Variants in NFASC observed in about 807,000 individuals in gnomAD.
NFASC encodes neurofascin.
Under a neutral mutation model 147.5 loss-of-function variants are expected in NFASC, and 43 were observed. The ratio of observed to expected loss-of-function variants is 0.29; its 90% CI spans 0.23 to 0.38. NFASC has a LOEUF of 0.38. Among genes scored for constraint, NFASC ranks in the 10% least tolerant of loss-of-function variants. The pLI is 1.00. For synonymous variants in NFASC, 622 were observed against 665.5 expected (o/e 0.93, Z 1.01); for missense variants, 1,320 against 1,689.0 (o/e 0.78, Z 3.83).
intron 1 of NFASC, among the ~76,000 whole-genome samples, chr1:204,898,956 G>A (rs1262630657): frequency 6.6e-6 from 1 of 152,116 alleles, no homozygotes; most frequent in Non-Finnish European, 1.5e-5. Flanking sequence ...CTTTAACCTT[G>A]GGGAGCTTCC....
intron 1 of NFASC, among the ~76,000 whole-genome samples, chr1:204,845,756 C>T (rs892110978): frequency 6.6e-6 from 1 of 151,616 alleles, no homozygotes; most frequent in African/African-American, 2.4e-5. Flanking sequence ...TTTTAAAAAT[C>T]AGCTAGGCAT....
Position 205,000,978 on chromosome 1 carries a change from C to G in NFASC, c.3020-192C>G, listed in dbSNP as rs1459575430. On this transcript the variant is annotated intron_variant, in intron 25 of 29. Transcript: ENST00000339876. ...TCTGGCCTGGCCACCAAGGCTGCAG[C>G]TTGGAGCTCTGTCAGGCCCTGTGCA... 6.5e-6 allele frequency: 4 copies of G among 615,528 alleles called. 1 individual carries two copies. The highest frequency in any genetic ancestry group is 1.2e-5 in the Non-Finnish European group (4 of 334,154). The allele number at this position is 615,528 out of a possible 1,614,324, so 38.1% of individuals were successfully genotyped here.
intron 25 of NFASC, chr1:204,997,718 A>C (rs2095877395): frequency 2.1e-6 from 1 of 482,410 alleles, no homozygotes; most frequent in African/African-American, 1.9e-5. Flanking sequence ...CAGGGCCCCC[A>C]GGTTCCAGAT....
chr1:204,859,942 A>G (rs1558509427), intron 1 of NFASC, among the ~76,000 whole-genome samples: 1 of 152,202 alleles, frequency 6.6e-6, no homozygotes, highest in Non-Finnish European at 1.5e-5. Flanking sequence ...TGGTTTCCTA[A>G]TAAAGCCTTG....
chr1:204,922,737 T>C (rs377694483), intron 2 of NFASC, among the ~76,000 whole-genome samples: 1 of 152,050 alleles, frequency 6.6e-6, no homozygotes, highest in Non-Finnish European at 1.5e-5. Flanking sequence ...GGAGTACCTA[T>C]CAAAGGACTT....
At chr1:204,997,099 G>T (rs535754803) in intron 24 of NFASC, 71 bp from the exon 25 acceptor site, 4 of 1,555,902 alleles carry the variant, frequency 2.6e-6, no homozygotes, top group African/African-American at 2.7e-5. Flanking sequence ...TGCCTTGCAC[G>T]CGGGGGCCGT....
chr1:204,831,763 T>C (rs1672285913), intron 1 of NFASC, among the ~76,000 whole-genome samples: 1 of 152,106 alleles, frequency 6.6e-6, no homozygotes, highest in African/African-American at 2.4e-5. Flanking sequence ...GTTTCATACT[T>C]ACTCATTTAA....
intron 1 of NFASC, among the ~76,000 whole-genome samples, chr1:204,912,298 G>C (rs1331722945): frequency 6.6e-6 from 1 of 151,888 alleles, no homozygotes; most frequent in Non-Finnish European, 1.5e-5. Context: ...CAGTGCTTTA[G>C]CTGTGTCCCT....
intron 1 of NFASC, among the ~76,000 whole-genome samples, chr1:204,853,256 G>T (rs1558500340): frequency 6.6e-6 from 1 of 152,240 alleles, no homozygotes; most frequent in African/African-American, 2.4e-5. Context: ...CCTAGAATGT[G>T]TTCAGGCTCA....
chr1:204,862,284 C>T (rs1302406727), intron 1 of NFASC, among the ~76,000 whole-genome samples: 1 of 152,204 alleles, frequency 6.6e-6, no homozygotes, highest in Non-Finnish European at 1.5e-5. Flanking sequence ...CATGGGGTCC[C>T]ATCAAAAGAA....
At chr1:204,912,271 T>A (rs905328452) in intron 1 of NFASC, among the ~76,000 whole-genome samples, 1 of 152,072 alleles carries the variant, frequency 6.6e-6, no homozygotes, top group African/African-American at 2.4e-5. Context: ...TGTGTGGATT[T>A]ATAAACTTCC....
At position 204,974,155 on chromosome 1, in the gene NFASC, A is replaced by C. The variant is rs529223244; in HGVS notation, c.1280-24A>C. ...TGGAAGAGTTTAGACTTGGCACTCG[A>C]GATTGCTTCTCTGGGAATTTCAGAT... is the stretch of plus-strand genomic sequence containing the variant. On this transcript the variant is annotated intron_variant, in intron 12 of 29. Coordinates refer to ENST00000339876, the MANE Select transcript of NFASC (RefSeq NM_001005388.3). 84 of 1,592,856 alleles carry C rather than the reference A, an allele frequency of 5.3e-5. 1 individual carries two copies. In the South Asian group the frequency reaches 6.9e-4, roughly 13 times the overall value.
At chr1:204,910,138 A>G (rs749201649) in intron 1 of NFASC, among the ~76,000 whole-genome samples, 1 of 150,570 alleles carries the variant, frequency 6.6e-6, no homozygotes, top group Non-Finnish European at 1.5e-5. Flanking sequence ...GATTTTAATA[A>G]GGATTGCATT....
rs370580357 is a variant in NFASC at position 204,844,550 on chromosome 1, C to T, written c.-200+15768C>T. ...ATTCCAGTAGAGAAAGTATGCCAGG[C>T]ATCCATGCATGGTAAAGATAACTAC... is the stretch of plus-strand genomic sequence containing the variant. On this transcript the variant is annotated intron_variant, in intron 1 of 29. Coordinates refer to ENST00000339876, the MANE Select transcript of NFASC (RefSeq NM_001005388.3). Among the ~76,000 whole-genome samples, 12 of 152,310 alleles carry T rather than the reference C, an allele frequency of 7.9e-5. 1 individual carries two copies. Among genetic ancestry groups the T allele is most frequent in the African/African-American group, 2.9e-4 (12 of 41,566 alleles).
At chr1:205,012,306 G>C (rs2096268493) in intron 28 of NFASC, among the ~76,000 whole-genome samples, 1 of 152,226 alleles carries the variant, frequency 6.6e-6, no homozygotes, top group South Asian at 2.1e-4. Flanking sequence ...GGTGTGTACG[G>C]CGTGTCTTCT....
At chr1:204,885,670 TC>T (rs2081188832) in intron 1 of NFASC, among the ~76,000 whole-genome samples, 2 of 152,190 alleles carry the variant, frequency 1.3e-5, no homozygotes, top group Admixed American at 1.3e-4. Context: ...CTTCTACTGA[TC>T]CTGTCCCCAC....
At position 204,968,447 on chromosome 1, in the gene NFASC, T is replaced by C. The variant is rs1166671939; in HGVS notation, c.818+87T>C. The C allele has an allele frequency of 3.1e-6, 3 of 971,686 alleles. No individual in the cohort carries two copies. The highest frequency in any genetic ancestry group is 4.9e-6 in the Non-Finnish European group (3 of 612,288). The allele number at this position is 971,686 out of a possible 1,614,324, so 60.2% of individuals were successfully genotyped here. A position where few individuals can be genotyped will look rare whatever the true frequency, so the allele number is the denominator to read the frequency against. ...TTCATGCTCTTGTTAATGCCACATT[T>C]AGTGCATACCAGTAGCACAGCAAAA... On this transcript the variant is annotated intron_variant, in intron 9 of 29. Transcript: ENST00000339876. The surrounding 1 kb of genome is among the most constrained non-coding windows in gnomAD (Gnocchi z 5.4).
intron 1 of NFASC, among the ~76,000 whole-genome samples, chr1:204,855,284 C>T (rs890339244): frequency 2.6e-5 from 4 of 152,188 alleles, no homozygotes; most frequent in African/African-American, 9.7e-5. Context: ...AATACTATTC[C>T]ATGCTGAAAC....
At chr1:204,924,808 A>G (rs1236322990) in intron 2 of NFASC, among the ~76,000 whole-genome samples, 1 of 152,236 alleles carries the variant, frequency 6.6e-6, no homozygotes, top group Non-Finnish European at 1.5e-5. Flanking sequence ...CCAAAGCCTT[A>G]TCGCAAATCA....
Sources: allele counts gnomAD v4.1 joint callset (sites outside exome capture counted in the v4.1 genomes callset), GRCh38; gene constraint gnomAD v4.1.1; non-coding constraint Gnocchi (gnomAD v3.1); transcripts MANE v1.5; gene names NCBI Gene and HGNC (gene_info 2026-07-23, HGNC 2026-07-21).